Variants in DIPK1A observed in about 807,000 individuals in gnomAD.
The protein encoded by DIPK1A is family with sequence similarity 69 member A.
A neutral mutation model predicts 40.8 loss-of-function variants in DIPK1A; 27 were observed. The ratio of observed to expected loss-of-function variants is 0.66; its 90% CI spans 0.49 to 0.91. The LOEUF (loss-of-function observed/expected upper bound fraction) is 0.91, where lower values mean the gene tolerates loss of function less well. Ranked by LOEUF, DIPK1A falls within the 40% of genes least tolerant of loss-of-function variation. The pLI is 0.00. For synonymous variants in DIPK1A, 166 were observed against 171.3 expected (o/e 0.97, Z 0.24); for missense variants, 412 against 505.7 (o/e 0.81, Z 1.78).
chr1:92,926,044 GTC>G (rs1641460430), intron 1 of DIPK1A, among the ~76,000 whole-genome samples: 1 of 151,600 alleles, frequency 6.6e-6, no homozygotes, highest in Admixed American at 6.6e-5. Context: ...TTTGTTTATT[GTC>G]TCTGTTGTCT....
intron 2 of DIPK1A, among the ~76,000 whole-genome samples, chr1:92,856,859 A>G (rs2100738744): frequency 6.6e-6 from 1 of 152,350 alleles, no homozygotes; most frequent in East Asian, 1.9e-4. Context: ...GAGATTTGCC[A>G]TCCAGATGCA....
At chr1:92,838,634 C>T (rs1316420384), downstream of DIPK1A, among the ~76,000 whole-genome samples, 1 of 152,204 alleles carries the variant, frequency 6.6e-6, no homozygotes, top group African/African-American at 2.4e-5. Context: ...TGCTGAAATC[C>T]TGTGCAGACA....
chr1:92,948,539 C>T (rs1651461441), intron 1 of DIPK1A, among the ~76,000 whole-genome samples: 1 of 149,714 alleles, frequency 6.7e-6, no homozygotes, highest in Non-Finnish European at 1.5e-5. Context: ...TTGCCTCAGC[C>T]TCCCAAAGTG....
chr1:92,841,916 C>A (rs1398420072), downstream of DIPK1A: 2 of 1,352,502 alleles, frequency 1.5e-6, no homozygotes, highest in East Asian at 4.7e-5. Context: ...AACTTATGAA[C>A]AGCAACTATT....
chr1:92,866,209 C>G (rs1176876065), intron 2 of DIPK1A, among the ~76,000 whole-genome samples: 3 of 152,232 alleles, frequency 2.0e-5, no homozygotes, highest in Admixed American at 6.5e-5. Flanking sequence ...TCAAGTGATT[C>G]TCCTGCCTCA....
chr1:92,847,423 C>G, intron 3 of DIPK1A, 64 bp from the exon 4 acceptor site: 18 of 1,085,486 alleles, frequency 1.7e-5, no homozygotes, highest in Non-Finnish European at 2.0e-5. Flanking sequence ...AAATATACTA[C>G]TATATTTTTA....
intron 1 of DIPK1A, among the ~76,000 whole-genome samples, chr1:92,912,398 A>C (rs1180819606): frequency 6.6e-6 from 1 of 152,068 alleles, no homozygotes; most frequent in Non-Finnish European, 1.5e-5. Flanking sequence ...CTTACAAATA[A>C]CATATATATA....
At chr1:92,957,292 G>A (rs547908814) in intron 1 of DIPK1A, among the ~76,000 whole-genome samples, 417 of 152,272 alleles carry the variant, frequency 2.7e-3, no homozygotes, top group Non-Finnish European at 4.7e-3. Flanking sequence ...ATAATGGCAC[G>A]TGGAAGAAAA....
intron 1 of DIPK1A, among the ~76,000 whole-genome samples, chr1:92,935,596 T>C (rs1185429138): frequency 3.3e-5 from 5 of 152,128 alleles, no homozygotes; most frequent in African/African-American, 1.2e-4. Flanking sequence ...CCTGAACATG[T>C]TTCGTCCTTA....
At chr1:92,878,647 C>T (rs1648231839) in intron 1 of DIPK1A, among the ~76,000 whole-genome samples, 2 of 152,080 alleles carry the variant, frequency 1.3e-5, no homozygotes, top group Non-Finnish European at 2.9e-5. Context: ...GGTGAAACCC[C>T]ATCTCTACTA....
intron 1 of DIPK1A, among the ~76,000 whole-genome samples, chr1:92,887,771 C>T (rs909880322): frequency 2.0e-5 from 3 of 152,050 alleles, no homozygotes; most frequent in South Asian, 2.1e-4. Context: ...GGGGACTATT[C>T]GTCATTTTAC....
rs768555734 is a variant in DIPK1A, at chr1:92,916,389, C to T, written c.55-39959G>A. Among the ~76,000 whole-genome samples the T allele has an allele frequency of 1.1e-4, 17 of 151,268 alleles. No homozygotes were observed. In the South Asian group the frequency reaches 1.3e-3, roughly 11 times the overall value. On this transcript the variant is annotated intron_variant, in intron 1 of 4. Transcript: ENST00000370310. ...CAATCTAGGCTCACTGCAACTTCCA[C>T]CTCCCAGGTTCAGGTGGTTCTCCTG...
intron 2 of DIPK1A, among the ~76,000 whole-genome samples, chr1:92,867,743 T>C (rs1347874521): frequency 6.6e-6 from 1 of 152,136 alleles, no homozygotes; most frequent in East Asian, 1.9e-4. Context: ...AGACCTCAAG[T>C]GATCTGCCCA....
At chr1:92,920,213 C>G (rs571392340) in intron 1 of DIPK1A, among the ~76,000 whole-genome samples, 7 of 152,214 alleles carry the variant, frequency 4.6e-5, no homozygotes, top group Admixed American at 1.3e-4. Flanking sequence ...TTGTAATAAT[C>G]CCCATGTGTC....
At chr1:92,942,708 G>A (rs1349080950) in intron 1 of DIPK1A, among the ~76,000 whole-genome samples, 12 of 152,260 alleles carry the variant, frequency 7.9e-5, no homozygotes, top group Non-Finnish European at 1.5e-5. Context: ...CACCCAGGCT[G>A]GAGTGCAGTG....
chr1:92,840,394 G>C, downstream of DIPK1A: 1 of 643,834 alleles, frequency 1.6e-6, no homozygotes, highest in African/African-American at 1.8e-5. Flanking sequence ...GTTAGGAAAA[G>C]GTGAGTTACA....
chr1:92,927,632 C>T (rs1650572894), intron 1 of DIPK1A, among the ~76,000 whole-genome samples: 3 of 152,276 alleles, frequency 2.0e-5, no homozygotes, highest in Middle Eastern at 3.4e-3. Flanking sequence ...CTCATTTCCC[C>T]AGCCCAAAGC....
At chr1:92,858,334 T>G (rs1244910096) in intron 2 of DIPK1A, among the ~76,000 whole-genome samples, 1 of 152,254 alleles carries the variant, frequency 6.6e-6, no homozygotes, top group African/African-American at 2.4e-5. Context: ...CCCTTCTTTC[T>G]GTATATTCTG....
intron 1 of DIPK1A, among the ~76,000 whole-genome samples, chr1:92,891,259 T>G (rs1648859886): frequency 6.6e-6 from 1 of 152,026 alleles, no homozygotes; most frequent in Non-Finnish European, 1.5e-5. Context: ...TTTGTCTTTT[T>G]GAAAAACCAA....
Sources: gnomAD v4.1 joint callset for allele counts (sites outside exome capture counted in the v4.1 genomes callset) on GRCh38, gnomAD v4.1.1 for gene constraint, MANE v1.5 for transcripts, NCBI Gene and HGNC (gene_info 2026-07-23, HGNC 2026-07-21) for gene names.